Variants in PCDH9 observed in about 807,000 individuals in gnomAD.
The protein encoded by PCDH9 is protocadherin-9.
Under a neutral mutation model 70.6 loss-of-function variants are expected in PCDH9, and 24 were observed. The ratio of observed to expected loss-of-function variants is 0.34; its 90% CI spans 0.25 to 0.48. PCDH9 has a LOEUF of 0.48. Ranked by LOEUF, PCDH9 falls within the 20% of genes least tolerant of loss-of-function variation. The pLI, the probability that PCDH9 is intolerant of heterozygous loss-of-function variation, is 0.99. For synonymous variants in PCDH9, 562 were observed against 558.5 expected (o/e 1.01, Z -0.09); for missense variants, 1,281 against 1,503.6 (o/e 0.85, Z 2.45).
rs1349346178 is a variant in PCDH9 at position 66,797,958 on chromosome 13, GGGGTGTGTGT to G, written c.3138+105536_3138+105545del. Among the ~76,000 whole-genome samples, 8 of 124,344 alleles carry G rather than the reference GGGGTGTGTGT, an allele frequency of 6.4e-5. No homozygotes were observed. In the East Asian group the frequency reaches 8.2e-4, roughly 13 times the overall value. The allele number at this position is 124,344 out of a possible 152,430, so 81.6% of individuals were successfully genotyped here. On this transcript the variant is annotated intron_variant, in intron 3 of 4. Transcript: ENST00000377865. ...AATGTGTTCTGTTTTTGTTTCTTGG[GGGGTGTGTGT>G]GTGTGTGTGTGTGTGTAAGAAAGGG...
chr13:66,873,426 T>G (rs1014194582), intron 3 of PCDH9, among the ~76,000 whole-genome samples: 3 of 152,200 alleles, frequency 2.0e-5, no homozygotes, highest in Non-Finnish European at 4.4e-5. Context: ...AATTTATTTT[T>G]AAACATGAGA....
intron 3 of PCDH9, among the ~76,000 whole-genome samples, chr13:66,737,886 G>C (rs923708753): frequency 4.6e-5 from 7 of 150,686 alleles, no homozygotes; most frequent in African/African-American, 1.5e-4. Flanking sequence ...AGCAGTCTGA[G>C]ATCAAACTGC....
chr13:66,577,626 C>A (rs1471888871), intron 4 of PCDH9, among the ~76,000 whole-genome samples: 1 of 151,816 alleles, frequency 6.6e-6, no homozygotes, highest in Non-Finnish European at 1.5e-5. Context: ...TTTTGTACCC[C>A]ACTCCCCGCC....
intron 3 of PCDH9, among the ~76,000 whole-genome samples, chr13:66,689,134 A>G (rs1452449153): frequency 6.6e-6 from 1 of 152,094 alleles, no homozygotes; most frequent in Non-Finnish European, 1.5e-5. Context: ...TTCTGCTTTC[A>G]TTTTCAAATA....
At chr13:66,978,923 A>C (rs2083680116) in intron 2 of PCDH9, among the ~76,000 whole-genome samples, 1 of 151,598 alleles carries the variant, frequency 6.6e-6, no homozygotes, top group African/African-American at 2.4e-5. Flanking sequence ...ACAGTTACAT[A>C]GATATATATG....
intron 4 of PCDH9, among the ~76,000 whole-genome samples, chr13:66,575,783 C>T (rs747425903): frequency 7.2e-5 from 11 of 152,076 alleles, no homozygotes; most frequent in Non-Finnish European, 1.5e-4. Context: ...TCAAAACACA[C>T]TGTAATTTTT....
chr13:66,405,856 G>A (rs535239324), intron 4 of PCDH9, among the ~76,000 whole-genome samples: 58 of 152,184 alleles, frequency 3.8e-4, no homozygotes, highest in African/African-American at 1.3e-3. Context: ...CTAGAGTAAT[G>A]ATTATTAGTG....
chr13:66,901,627 A>T (rs1376255944), intron 3 of PCDH9, among the ~76,000 whole-genome samples: 2 of 151,814 alleles, frequency 1.3e-5, no homozygotes, highest in African/African-American at 4.8e-5. Context: ...ATAAATAAAC[A>T]TCATAACTCT....
chr13:67,194,658 T>C (rs2089011218), intron 2 of PCDH9, among the ~76,000 whole-genome samples: 1 of 152,184 alleles, frequency 6.6e-6, no homozygotes, highest in Admixed American at 6.5e-5. Context: ...TTTATTATTG[T>C]ATTAGGTTTA....
chr13:66,727,000 A>G (rs1333198349), intron 3 of PCDH9, among the ~76,000 whole-genome samples: 1 of 152,190 alleles, frequency 6.6e-6, no homozygotes, highest in Non-Finnish European at 1.5e-5. Flanking sequence ...GCTCATGCGC[A>G]TAATCCAGGT....
intron 4 of PCDH9, among the ~76,000 whole-genome samples, chr13:66,479,471 T>A: frequency 6.6e-6 from 1 of 152,204 alleles, no homozygotes; most frequent in East Asian, 1.9e-4. Flanking sequence ...TGGAAAGGAT[T>A]CACCATTCTT....
At chr13:66,699,556 CAG>C (rs2078609912) in intron 3 of PCDH9, among the ~76,000 whole-genome samples, 1 of 152,058 alleles carries the variant, frequency 6.6e-6, no homozygotes, top group South Asian at 2.1e-4. Context: ...CAGATGGAGG[CAG>C]AGATTAGAGT....
intron 4 of PCDH9, among the ~76,000 whole-genome samples, chr13:66,360,423 T>C (rs927888959): frequency 6.6e-6 from 1 of 152,128 alleles, no homozygotes; most frequent in Non-Finnish European, 1.5e-5. Context: ...CGTTTCTGTG[T>C]GCAATATGCC....
chr13:66,429,429 TG>T (rs1957731021), intron 4 of PCDH9, among the ~76,000 whole-genome samples: 2 of 14,200 alleles, frequency 1.4e-4, no homozygotes, highest in African/African-American at 2.8e-4. Context: ...TTATTTTTTC[TG>T]TTTTTTTTTT....
intron 2 of PCDH9, among the ~76,000 whole-genome samples, chr13:67,174,310 GATAGATAC>G (rs910048655): frequency 1.3e-5 from 2 of 149,548 alleles, no homozygotes; most frequent in Non-Finnish European, 3.0e-5. Flanking sequence ...TAGATAGATA[GATAGATAC>G]ATACATACAT....
At chr13:66,899,725 C>T (rs1245007276) in intron 3 of PCDH9, among the ~76,000 whole-genome samples, 4 of 151,874 alleles carry the variant, frequency 2.6e-5, no homozygotes, top group African/African-American at 9.7e-5. Context: ...TTATTAAAGG[C>T]ATTATGCATT....
At chr13:66,405,254 A>G (rs1200373779) in intron 4 of PCDH9, among the ~76,000 whole-genome samples, 2 of 152,054 alleles carry the variant, frequency 1.3e-5, no homozygotes, top group Non-Finnish European at 2.9e-5. Context: ...TATTATTCTC[A>G]TATAAAAGAT....
chr13:66,706,053 A>G (rs1485893580), intron 3 of PCDH9, among the ~76,000 whole-genome samples: 1 of 152,222 alleles, frequency 6.6e-6, no homozygotes, highest in Non-Finnish European at 1.5e-5. Context: ...GCCAAAAGAC[A>G]GCTAACACTA....
At chr13:67,050,601 T>C (rs1278190960) in intron 2 of PCDH9, among the ~76,000 whole-genome samples, 1 of 152,214 alleles carries the variant, frequency 6.6e-6, no homozygotes, top group Non-Finnish European at 1.5e-5. Context: ...ATTGTTATTG[T>C]ACAAAGCACT....
Sources: gnomAD v4.1 joint callset for allele counts (sites outside exome capture counted in the v4.1 genomes callset) on GRCh38, gnomAD v4.1.1 for gene constraint, MANE v1.5 for transcripts, NCBI Gene and HGNC (gene_info 2026-07-23, HGNC 2026-07-21) for gene names.